The following RYR2 variants were observed in gnomAD, a reference collection of about 807,000 sequenced individuals.
RYR2 encodes the protein ryanodine receptor 2, also known as cardiac muscle ryanodine receptor-calcium release channel.
Under a neutral mutation model 601.1 loss-of-function variants are expected in RYR2, and 227 were observed. The observed-to-expected ratio is 0.38, with a 90% CI of 0.34 to 0.42. RYR2 has a LOEUF of 0.42. Among genes scored for constraint, RYR2 ranks in the 10% least tolerant of loss-of-function variants. The probability of loss-of-function intolerance (pLI) is 1.00; values close to 1 mark genes in which losing one functional copy is unlikely to be tolerated. For missense variants in RYR2, 4,646 were observed against 6,156.5 expected, an observed-to-expected ratio of 0.75 and a Z score of 8.21; for synonymous variants, 2,223 against 2,175.1, an observed-to-expected ratio of 1.02 and a Z score of -0.61.
chr1:237,450,732 C>A (rs1657985809), intron 14 of RYR2, among the ~76,000 whole-genome samples: 1 of 152,152 alleles, frequency 6.6e-6, no homozygotes, highest in South Asian at 2.1e-4. Context: ...CTCCTCATTA[C>A]AAACCCATCA....
chr1:237,718,489 A>G lies in RYR2; in HGVS notation c.10522A>G (p.Ile3508Val), dbSNP rs770961837. Residue 3508 changes from isoleucine to valine, a missense_variant, in exon 73 of 105, where the codon ATA (isoleucine) becomes GTA (valine). Physicochemically the swap from Ile to Val is conservative, Grantham distance 29. Transcript: ENST00000366574. Reference protein sequence around the residue: ...LKDTEDEVRDIIRSNIHLQGK... With the variant: ...LKDTEDEVRDVIRSNIHLQGK... ...AGATACCGAGGATGAAGTACGAGAT[A>G]TAATCCGCAGCAATATTCATTTACA... 6.3e-7 allele frequency: 1 copy of G among 1,597,140 alleles called. No homozygotes were observed. The highest frequency in any genetic ancestry group is 8.6e-7 in the Non-Finnish European group (1 of 1,165,284).
rs146160299 is a variant in RYR2, at chr1:237,820,556, A to G, written c.14590+1364A>G. Among the ~76,000 whole-genome samples, 773 of 152,276 alleles carry G rather than the reference A, an allele frequency of 5.1e-3. 6 individuals carry two copies. The highest frequency in any genetic ancestry group is 8.5e-3 in the Non-Finnish European group (577 of 68,008). On this transcript the variant is annotated intron_variant, in intron 101 of 104. Transcript: ENST00000366574. ...GACCGGGACATTCCCTCCACTGCCT[A>G]TGCCACCAGGGCCCTGGGTTTCAAG...
chr1:237,494,291 C>T (rs1442112098), intron 19 of RYR2, among the ~76,000 whole-genome samples: 1 of 152,192 alleles, frequency 6.6e-6, no homozygotes, highest in East Asian at 1.9e-4. Flanking sequence ...GGCCCGAGAG[C>T]CCCTGGCAAA....
intron 96 of RYR2, among the ~76,000 whole-genome samples, chr1:237,796,115 C>T (rs1659196138): frequency 1.3e-5 from 2 of 151,850 alleles, no homozygotes; most frequent in South Asian, 4.2e-4. Context: ...CCCTCGTGAC[C>T]TGGCATCTTG....
intron 1 of RYR2, among the ~76,000 whole-genome samples, chr1:237,109,062 C>G (rs1669115788): frequency 6.6e-6 from 1 of 152,086 alleles, no homozygotes. Context: ...ACAGAATAAC[C>G]AGTGTGAAAC....
rs761916703 is a variant in RYR2, at chr1:237,792,093, G to A, written c.13564-12G>A. ...GCAGCAAACTGACTCTACTTTAAAT[G>A]CTTTGAATCAGGTCTCCACTTCTTC... On this transcript the variant is annotated splice_polypyrimidine_tract_variant and intron_variant, in intron 93 of 104. Coordinates refer to ENST00000366574, the MANE Select transcript of RYR2 (RefSeq NM_001035.3). 1.3e-6 allele frequency: 2 copies of A among 1,569,890 alleles called. No homozygotes were observed. Among genetic ancestry groups the A allele is most frequent in the Non-Finnish European group, 1.7e-6 (2 of 1,154,566 alleles).
chr1:237,440,650 A>G (rs1004934816), intron 12 of RYR2, among the ~76,000 whole-genome samples: 6 of 152,182 alleles, frequency 3.9e-5, no homozygotes, highest in Non-Finnish European at 7.3e-5. Flanking sequence ...CTGTAGTCTG[A>G]GTTGGAAATT....
At chr1:237,425,717 T>C (rs1706084801) in intron 12 of RYR2, among the ~76,000 whole-genome samples, 1 of 151,936 alleles carries the variant, frequency 6.6e-6, no homozygotes. Flanking sequence ...GGTCCTTGTT[T>C]TCATGTTGTG....
At chr1:237,777,569 A>G (rs1272806362) in intron 87 of RYR2, among the ~76,000 whole-genome samples, 1 of 152,160 alleles carries the variant, frequency 6.6e-6, no homozygotes, top group Non-Finnish European at 1.5e-5. Flanking sequence ...ATTTATTTTC[A>G]TGGTTGATGT....
intron 57 of RYR2, among the ~76,000 whole-genome samples, chr1:237,666,859 G>C (rs775169367): frequency 9.9e-5 from 15 of 151,684 alleles, no homozygotes; most frequent in Admixed American, 2.6e-4. Context: ...GCAGTGAGCT[G>C]AGATCACACC....
intron 38 of RYR2, among the ~76,000 whole-genome samples, chr1:237,621,483 G>A (rs1679070010): frequency 6.6e-6 from 1 of 152,008 alleles, no homozygotes; most frequent in Admixed American, 6.6e-5. Flanking sequence ...TTAAAAAATA[G>A]CAATAAAGTT....
rs1678050532 is a variant in RYR2 at position 237,612,943 on chromosome 1, C to G, written c.4911-1096C>G. ...AACATGAATGTATAAAAATGTGTCA[C>G]TGGCATCAGGCCATAGAAAATATAT... On this transcript the variant is annotated intron_variant, in intron 36 of 104. Coordinates refer to ENST00000366574, the MANE Select transcript of RYR2 (RefSeq NM_001035.3). Among the ~76,000 whole-genome samples, 3 of 152,180 alleles carry G rather than the reference C, an allele frequency of 2.0e-5. No homozygotes were observed. The South Asian group carries it at 6.2e-4, about 32-fold the overall frequency.
chr1:237,693,642 ATAT>A (rs1687141755), intron 63 of RYR2, among the ~76,000 whole-genome samples: 1 of 152,238 alleles, frequency 6.6e-6, no homozygotes. Context: ...AACAAGATAA[ATAT>A]TATTATGTGT....
intron 1 of RYR2, among the ~76,000 whole-genome samples, chr1:237,181,101 A>G (rs982576369): frequency 1.3e-5 from 2 of 152,010 alleles, no homozygotes; most frequent in African/African-American, 4.8e-5. Context: ...CTCCTGCCTC[A>G]GCCTGCCAAG....
rs553819263 is a variant in RYR2, at chr1:237,614,721, G to A, written c.5593G>A (p.Glu1865Lys). The stretch of plus-strand genomic sequence containing the variant: ...TCCGGAGGAGGAGAGTGACACGCTG[G>A]AGAAAGAGCTCAGTGTGGACGATGC... ...ATPEEESDTL[E>K]KELSVDDAKL... The change falls in exon 37 of 105, where the codon GAG (glutamate) becomes AAG (lysine). Residue 1865 changes from glutamate to lysine, a missense_variant. This residue lies in a region of RYR2 where 1,807 missense variants were observed against 2,088.1 expected (regional missense o/e 0.87). Transcript: ENST00000366574. This position sits in a 1 kb window ranked among gnomAD's most constrained non-coding sequence, Gnocchi z 4.3. The A allele has an allele frequency of 2.1e-5, 34 of 1,614,030 alleles. No individual in the cohort carries two copies. In the South Asian group the frequency reaches 3.5e-4, roughly 17 times the overall value.
At chr1:237,636,938 AAGAT>A (rs1338523194) in intron 44 of RYR2, among the ~76,000 whole-genome samples, 1 of 152,204 alleles carries the variant, frequency 6.6e-6, no homozygotes, top group Non-Finnish European at 1.5e-5. Flanking sequence ...CAGGCACAGA[AAGAT>A]ATATGCTGCA....
At chr1:237,423,787 T>G (rs1437395345) in intron 12 of RYR2, among the ~76,000 whole-genome samples, 1 of 152,218 alleles carries the variant, frequency 6.6e-6, no homozygotes, top group Non-Finnish European at 1.5e-5. Flanking sequence ...TCCTTAACCC[T>G]ATTGAATCAT....
At chr1:237,761,305 A>T (rs1359302432) in intron 84 of RYR2, among the ~76,000 whole-genome samples, 1 of 152,118 alleles carries the variant, frequency 6.6e-6, no homozygotes, top group Admixed American at 6.5e-5. Context: ...AAGGATCAAG[A>T]TCCTTTATTA....
At chr1:237,438,796 A>G (rs1484024116) in intron 12 of RYR2, among the ~76,000 whole-genome samples, 1 of 152,230 alleles carries the variant, frequency 6.6e-6, no homozygotes, top group Non-Finnish European at 1.5e-5. Flanking sequence ...CCTACCAATC[A>G]CGCAAGGTGC....
Sources: allele counts gnomAD v4.1 joint callset (sites outside exome capture counted in the v4.1 genomes callset), GRCh38; gene constraint gnomAD v4.1.1; regional missense constraint gnomAD v4.1.1; non-coding constraint Gnocchi (gnomAD v3.1); transcripts MANE v1.5; gene names NCBI Gene and HGNC (gene_info 2026-07-23, HGNC 2026-07-21).